NSRP1: variants seen among roughly 807,000 people sequenced by gnomAD.
The protein encoded by NSRP1 is coiled-coil domain containing 55.
A neutral mutation model predicts 54.7 loss-of-function variants in NSRP1; 24 were observed. That is an observed-to-expected ratio of 0.44 (90% CI 0.32 to 0.62). The LOEUF (loss-of-function observed/expected upper bound fraction) is 0.62. Ranked by LOEUF, NSRP1 falls within the 20% of genes least tolerant of loss-of-function variation. NSRP1 has a pLI of 0.06. For synonymous variants in NSRP1, 210 were observed against 213.8 expected (o/e 0.98, Z 0.15); for missense variants, 596 against 651.2 (o/e 0.92, Z 0.92).
chr17:30,173,066 C>T (rs906970298), intron 3 of NSRP1, among the ~76,000 whole-genome samples: 3 of 151,750 alleles, frequency 2.0e-5, no homozygotes, highest in Non-Finnish European at 1.5e-5. Context: ...TGGGTTCAGG[C>T]AATTCTCCTG....
At chr17:30,180,830 T>TA in intron 5 of NSRP1, 78 bp from the exon 6 acceptor site, 1 of 912,484 alleles carries the variant, frequency 1.1e-6, no homozygotes, top group Admixed American at 1.8e-5. Context: ...CACTGTATGT[T>TA]ATATACTGTA....
intron 2 of NSRP1, among the ~76,000 whole-genome samples, chr17:30,143,042 A>G (rs959657056): frequency 2.0e-5 from 3 of 152,358 alleles, no homozygotes; most frequent in Admixed American, 6.5e-5. Context: ...ATGAAGTTAA[A>G]TAACAAAATT....
Position 30,178,180 on chromosome 17 carries a change from T to C in NSRP1, c.281T>C (p.Leu94Pro), listed in dbSNP as rs1905190256. The C allele has an allele frequency of 6.2e-7, 1 of 1,605,924 alleles. No individual in the cohort carries two copies. Among genetic ancestry groups the C allele is most frequent in the Non-Finnish European group, 8.5e-7 (1 of 1,178,018 alleles). ...AAGGAGGAAAATAATCCCAAATTGCTTTTGGGGAAAGACAGAAAGGTTTGT... is the reference window on the plus strand; with the variant it reads ...AAGGAGGAAAATAATCCCAAATTGCCTTTGGGGAAAGACAGAAAGGTTTGT... Reference protein sequence around the residue: ...KKKEENNPKLLLGKDRKPKYI... With the variant: ...KKKEENNPKLPLGKDRKPKYI... Residue 94 changes from leucine (L) to proline (P), a missense_variant, in exon 4 of 7, where the codon CTT becomes CCT. By Grantham distance (98) the Leu-to-Pro change is moderately conservative. Coordinates refer to ENST00000247026, the MANE Select transcript of NSRP1 (RefSeq NM_032141.4).
chr17:30,160,257 T>G (rs1182291299), intron 2 of NSRP1, among the ~76,000 whole-genome samples: 5 of 152,170 alleles, frequency 3.3e-5, no homozygotes, highest in Non-Finnish European at 1.5e-5. Context: ...GTAGTTTTTT[T>G]GTTTTGTTTT....
chr17:30,148,193 G>A (rs189642478), intron 2 of NSRP1, among the ~76,000 whole-genome samples: 29 of 152,284 alleles, frequency 1.9e-4, no homozygotes, highest in Admixed American at 1.2e-3. Context: ...TTTTTCTCCT[G>A]TGGTTCATTA....
intron 2 of NSRP1, chr17:30,156,474 A>G (rs1418505777): frequency 1.3e-5 from 2 of 151,148 alleles, no homozygotes; most frequent in African/African-American, 4.9e-5. Context: ...ACTAAAGATA[A>G]TGACCTTCAG....
At chr17:30,119,102 T>G (rs543262873) in intron 2 of NSRP1, among the ~76,000 whole-genome samples, 1 of 151,676 alleles carries the variant, frequency 6.6e-6, no homozygotes, top group East Asian at 1.9e-4. Flanking sequence ...TTTCTTTTTT[T>G]TTTTGAGACA....
At chr17:30,128,823 T>C (rs2071673882) in intron 2 of NSRP1, among the ~76,000 whole-genome samples, 3 of 152,170 alleles carry the variant, frequency 2.0e-5, no homozygotes, top group South Asian at 2.1e-4. Flanking sequence ...TGAAAAAATA[T>C]ATACAAATTT....
At position 30,116,820 on chromosome 17, in the gene NSRP1, A is replaced by G. The variant is rs201700781; in HGVS notation, c.-24A>G. 266 of 1,569,248 alleles carry G rather than the reference A, an allele frequency of 1.7e-4. 1 individual carries two copies. Among genetic ancestry groups the G allele is most frequent in the Middle Eastern group, 1.0e-3 (6 of 6,014 alleles). On this transcript the variant is annotated 5_prime_UTR_variant, in exon 1 of 7. Transcript: ENST00000247026. The stretch of plus-strand genomic sequence containing the variant: ...CGTCAGCGTCACGGAGGCGTCGGCC[A>G]CGTTCAGCGGACACGGGAGCAAGAT...
At chr17:30,153,800 C>T (rs1421449383) in intron 2 of NSRP1, among the ~76,000 whole-genome samples, 1 of 152,016 alleles carries the variant, frequency 6.6e-6, no homozygotes, top group Admixed American at 6.6e-5. Flanking sequence ...ATATGATAGC[C>T]AGTTTAGTCT....
At chr17:30,156,819 G>A (rs1904326976) in intron 2 of NSRP1, among the ~76,000 whole-genome samples, 1 of 152,072 alleles carries the variant, frequency 6.6e-6, no homozygotes, top group Non-Finnish European at 1.5e-5. Flanking sequence ...GTGCCCCGCT[G>A]ATTCCATTCT....
At chr17:30,170,286 A>G (rs554953828) in intron 2 of NSRP1, among the ~76,000 whole-genome samples, 1 of 152,188 alleles carries the variant, frequency 6.6e-6, no homozygotes, top group Admixed American at 6.5e-5. Context: ...GCAAATTAAC[A>G]TGTCCATTAT....
chr17:30,171,976 CCTCTCTCT>C lies in NSRP1; in HGVS notation c.115-534_115-527del, dbSNP rs58666089. ...CACACACACACACACACACACACTCCCTCTCTCTCTCTCTCTCTCTCTCTCTCTCTCTC... is the reference window on the plus strand; with the variant it reads ...CACACACACACACACACACACACTCCCTCTCTCTCTCTCTCTCTCTCTCTC... On this transcript the variant is annotated intron_variant, in intron 2 of 6. Transcript: ENST00000247026. 1.1e-3 allele frequency among the ~76,000 whole-genome samples: 89 copies of C among 80,436 alleles called. 1 individual carries two copies. Among genetic ancestry groups the C allele is most frequent in the East Asian group, 2.3e-3 (4 of 1,748 alleles). 52.8% of individuals were successfully genotyped at this position (80,436 alleles called of 152,430 possible). A position where few individuals can be genotyped will look rare whatever the true frequency, so the allele number is the denominator to read the frequency against.
At chr17:30,117,360 G>A (rs185057247) in intron 1 of NSRP1, 14 of 524,378 alleles carry the variant, frequency 2.7e-5, no homozygotes, top group African/African-American at 1.8e-4. Flanking sequence ...TGGGGTATAC[G>A]TTGCCGCAAA....
At chr17:30,128,695 T>G (rs2071672836) in intron 2 of NSRP1, among the ~76,000 whole-genome samples, 1 of 152,188 alleles carries the variant, frequency 6.6e-6, no homozygotes, top group African/African-American at 2.4e-5. Flanking sequence ...GCATTTATCT[T>G]GGGTCTCTTT....
chr17:30,117,422 T>TA, intron 1 of NSRP1: 1 of 440,856 alleles, frequency 2.3e-6, no homozygotes, highest in Middle Eastern at 5.9e-4. Flanking sequence ...GTGTAATCCT[T>TA]ACTTTTGATG....
intron 2 of NSRP1, among the ~76,000 whole-genome samples, chr17:30,121,905 C>A (rs2071601176): frequency 6.6e-6 from 1 of 152,076 alleles, no homozygotes; most frequent in Non-Finnish European, 1.5e-5. Flanking sequence ...GGCATCACCA[C>A]TGTTTAGAAC....
At chr17:30,153,354 C>G (rs940542245) in intron 2 of NSRP1, among the ~76,000 whole-genome samples, 7 of 151,798 alleles carry the variant, frequency 4.6e-5, no homozygotes, top group African/African-American at 1.5e-4. Flanking sequence ...TTTTCTTTTC[C>G]TAGTTTGAAA....
intron 6 of NSRP1, among the ~76,000 whole-genome samples, chr17:30,182,248 A>G (rs552591295): frequency 2.0e-5 from 3 of 152,306 alleles, no homozygotes; most frequent in African/African-American, 7.2e-5. Context: ...TTTCATAAAT[A>G]GAACCCAGCC....
Sources: gnomAD v4.1 joint callset for allele counts (sites outside exome capture counted in the v4.1 genomes callset) on GRCh38, gnomAD v4.1.1 for gene constraint, MANE v1.5 for transcripts, NCBI Gene and HGNC (gene_info 2026-07-23, HGNC 2026-07-21) for gene names.